Variants in BICC1 observed in about 807,000 individuals in gnomAD.
BICC1 encodes the protein protein bicaudal C homolog 1.
A neutral mutation model predicts 111.0 loss-of-function variants in BICC1; 43 were observed. That is an observed-to-expected ratio of 0.39 (90% CI 0.30 to 0.50). BICC1 has a LOEUF of 0.50. Ranked by LOEUF, BICC1 falls within the 20% of genes least tolerant of loss-of-function variation. The pLI is 0.88. For synonymous variants in BICC1, 467 were observed against 434.4 expected (o/e 1.07, Z -0.93); for missense variants, 1,091 against 1,203.2 (o/e 0.91, Z 1.38).
At position 58,542,216 on chromosome 10, in the gene BICC1, G is replaced by A. The variant is rs957314687; in HGVS notation, c.190+28883G>A. On this transcript the variant is annotated intron_variant, in intron 1 of 20. Transcript: ENST00000373886. ...GACTAGTGGAACAGAATAGAGAATCGAGAAATAAATCCTCGCCTATATAGT... is the reference window on the plus strand; with the variant it reads ...GACTAGTGGAACAGAATAGAGAATCAAGAAATAAATCCTCGCCTATATAGT... Among the ~76,000 whole-genome samples the A allele has an allele frequency of 6.8e-5, 10 of 146,946 alleles. No individual in the cohort carries two copies. The South Asian group carries it at 1.3e-3, about 19-fold the overall frequency.
chr10:58,683,030 T>C (rs1177089104), intron 2 of BICC1, among the ~76,000 whole-genome samples: 4 of 152,030 alleles, frequency 2.6e-5, no homozygotes, highest in Admixed American at 6.6e-5. Flanking sequence ...AACAATTAAG[T>C]CTTTAATCCA....
chr10:58,546,953 G>A (rs1364894332), intron 1 of BICC1, among the ~76,000 whole-genome samples: 1 of 152,048 alleles, frequency 6.6e-6, no homozygotes, highest in Non-Finnish European at 1.5e-5. Context: ...CCTAATGGAG[G>A]TTTCTTATTT....
At chr10:58,624,244 C>T (rs1389069223) in intron 2 of BICC1, among the ~76,000 whole-genome samples, 2 of 152,302 alleles carry the variant, frequency 1.3e-5, no homozygotes, top group East Asian at 3.9e-4. Flanking sequence ...TAGCAGCCCA[C>T]CCTACTCTGG....
intron 1 of BICC1, among the ~76,000 whole-genome samples, chr10:58,528,158 C>T (rs1177038414): frequency 2.6e-5 from 4 of 151,832 alleles, no homozygotes; most frequent in African/African-American, 9.7e-5. Flanking sequence ...CTGGCATTGA[C>T]CTCATGGAAT....
At chr10:58,810,954 A>T (rs1379519884) in intron 17 of BICC1, among the ~76,000 whole-genome samples, 1 of 152,188 alleles carries the variant, frequency 6.6e-6, no homozygotes, top group Non-Finnish European at 1.5e-5. Context: ...TTCCTGCTGT[A>T]GCAACTTTGC....
chr10:58,600,724 C>G (rs1363427694), intron 1 of BICC1, among the ~76,000 whole-genome samples: 1 of 152,082 alleles, frequency 6.6e-6, no homozygotes, highest in Admixed American at 6.6e-5. Flanking sequence ...TCAGCCTGCT[C>G]AGTGTGCAGG....
At chr10:58,737,259 G>A (rs1006330775) in intron 3 of BICC1, among the ~76,000 whole-genome samples, 18 of 151,798 alleles carry the variant, frequency 1.2e-4, no homozygotes, top group Non-Finnish European at 1.9e-4. Context: ...TCCCCCCACC[G>A]CACAACAGTC....
At chr10:58,629,325 T>G (rs866724938) in intron 2 of BICC1, among the ~76,000 whole-genome samples, 184 of 152,308 alleles carry the variant, frequency 1.2e-3, no homozygotes, top group African/African-American at 4.0e-3. Flanking sequence ...TTGATTTTTT[T>G]TTTTCAAGTT....
chr10:58,714,112 C>T (rs920720314), intron 3 of BICC1, among the ~76,000 whole-genome samples: 3 of 152,140 alleles, frequency 2.0e-5, no homozygotes, highest in Non-Finnish European at 2.9e-5. Context: ...TAGCACAAAA[C>T]GCCAGTAGCT....
At chr10:58,615,434 C>T (rs1403922414) in intron 1 of BICC1, among the ~76,000 whole-genome samples, 5 of 152,146 alleles carry the variant, frequency 3.3e-5, no homozygotes, top group East Asian at 1.9e-4. Flanking sequence ...TATGTAACCA[C>T]GCCACATGAG....
chr10:58,740,303 T>C (rs1841616785), intron 3 of BICC1, among the ~76,000 whole-genome samples: 1 of 152,200 alleles, frequency 6.6e-6, no homozygotes, highest in Non-Finnish European at 1.5e-5. Context: ...GATTTGCACA[T>C]GTATAAAGAA....
At chr10:58,617,276 C>T (rs1247508891) in intron 1 of BICC1, among the ~76,000 whole-genome samples, 1 of 152,210 alleles carries the variant, frequency 6.6e-6, no homozygotes, top group African/African-American at 2.4e-5. Context: ...ATAATGACTC[C>T]CTGAAATGGG....
intron 1 of BICC1, among the ~76,000 whole-genome samples, chr10:58,517,418 T>G (rs896885922): frequency 2.6e-5 from 4 of 152,180 alleles, no homozygotes; most frequent in Admixed American, 2.0e-4. Flanking sequence ...TCTCTTTAAT[T>G]CAGCAAACTT....
In BICC1 at chr10:58,561,108, C is replaced by T. The variant is rs565427969; in HGVS notation, c.190+47775C>T. Among the ~76,000 whole-genome samples the T allele has an allele frequency of 5.8e-4, 88 of 152,010 alleles. 1 individual carries two copies. The highest frequency in any genetic ancestry group is 1.8e-4 in the Non-Finnish European group (12 of 67,908). On this transcript the variant is annotated intron_variant, in intron 1 of 20. Transcript: ENST00000373886. ...CTGTTGATTTTTCTATCTAGATGAC[C>T]TGTTCAATATTGACAGTAGAGTGTT...
At chr10:58,819,800 G>A (rs1358250208) in intron 19 of BICC1, among the ~76,000 whole-genome samples, 3 of 152,066 alleles carry the variant, frequency 2.0e-5, no homozygotes, top group Non-Finnish European at 2.9e-5. Flanking sequence ...GGGGATCCTT[G>A]GGCAGTTTCC....
intron 3 of BICC1, among the ~76,000 whole-genome samples, chr10:58,749,356 G>T (rs1021304070): frequency 6.6e-6 from 1 of 151,954 alleles, no homozygotes; most frequent in African/African-American, 2.4e-5. Context: ...AAAACTATAC[G>T]CATTATTGTA....
chr10:58,702,057 C>G lies in BICC1; in HGVS notation c.238-17C>G. The G allele has an allele frequency of 1.3e-6, 2 of 1,597,256 alleles. No homozygotes were observed. The highest frequency in any genetic ancestry group is 8.6e-7 in the Non-Finnish European group (1 of 1,169,488). On this transcript the variant is annotated splice_polypyrimidine_tract_variant and intron_variant, in intron 2 of 20. Coordinates refer to ENST00000373886, the MANE Select transcript of BICC1 (RefSeq NM_001080512.3). ...AGTTTTTAATTGAGTCAATATTTCT[C>G]TCAATTTTTGTTACAGATCATGGAG...
At chr10:58,704,073 C>T (rs904112587) in intron 3 of BICC1, among the ~76,000 whole-genome samples, 3 of 152,164 alleles carry the variant, frequency 2.0e-5, no homozygotes, top group Non-Finnish European at 4.4e-5. Context: ...GTCATTGACA[C>T]TTAACCCATT....
chr10:58,635,008 G>A (rs775419075), intron 2 of BICC1, among the ~76,000 whole-genome samples: 16 of 152,060 alleles, frequency 1.1e-4, no homozygotes, highest in Non-Finnish European at 2.4e-4. Context: ...TGTCTCAGGG[G>A]TGGCAGAGGC....
Sources: allele counts gnomAD v4.1 joint callset (sites outside exome capture counted in the v4.1 genomes callset), GRCh38; gene constraint gnomAD v4.1.1; transcripts MANE v1.5; gene names NCBI Gene and HGNC (gene_info 2026-07-23, HGNC 2026-07-21).